Variants in PRDM5 observed in about 807,000 individuals in gnomAD.
PRDM5 encodes the protein PR domain zinc finger protein 5.
In PRDM5, 56 loss-of-function variants were observed where a neutral mutation model predicts 81.2. That is an observed-to-expected ratio of 0.69 (90% CI 0.56 to 0.86). The LOEUF (loss-of-function observed/expected upper bound fraction) is 0.86, where lower values mean the gene tolerates loss of function less well. PRDM5 is among the 40% of genes least tolerant of loss of function. The pLI is 0.00. For synonymous variants in PRDM5, 267 were observed against 256.4 expected (o/e 1.04, Z -0.39); for missense variants, 697 against 770.1 (o/e 0.91, Z 1.12).
At chr4:120,759,875 A>G (rs1317262923) in intron 13 of PRDM5, among the ~76,000 whole-genome samples, 1 of 152,230 alleles carries the variant, frequency 6.6e-6, no homozygotes, top group Admixed American at 6.5e-5. Flanking sequence ...CTAAAAACAA[A>G]TCTAAATGGA....
At chr4:120,748,060 T>C (rs1490481862) in intron 14 of PRDM5, among the ~76,000 whole-genome samples, 1 of 152,224 alleles carries the variant, frequency 6.6e-6, no homozygotes, top group Non-Finnish European at 1.5e-5. Context: ...TGAGTGACTG[T>C]TTTGGCTCAA....
At chr4:120,728,511 T>A (rs1739778458) in intron 14 of PRDM5, among the ~76,000 whole-genome samples, 1 of 152,150 alleles carries the variant, frequency 6.6e-6, no homozygotes, top group African/African-American at 2.4e-5. Context: ...ACATTTACAC[T>A]TAAGAATATA....
At position 120,818,336 on chromosome 4, in the gene PRDM5, T is replaced by G. The variant is rs1481926671; in HGVS notation, c.650+17A>C. On this transcript the variant is annotated intron_variant, in intron 5 of 15. Transcript: ENST00000264808. ...TGTTAGCTTATAATTTTAAAGATAT[T>G]TCTTTAATATACGCACTGTCTTTGC... 1 of 1,605,836 alleles carries G rather than the reference T, an allele frequency of 6.2e-7. No individual in the cohort carries two copies. The highest frequency in any genetic ancestry group is 8.5e-7 in the Non-Finnish European group (1 of 1,172,808).
At position 120,693,966 on chromosome 4, in the gene PRDM5, T is replaced by A. The variant is rs148750055; in HGVS notation, c.*1145A>T. The A allele has an allele frequency of 6.6e-6, 1 of 152,260 alleles. No individual in the cohort carries two copies. Among genetic ancestry groups the A allele is most frequent in the Admixed American group, 6.6e-5 (1 of 15,260 alleles). The allele number at this position is 152,260 out of a possible 1,614,324, so 9.4% of individuals were successfully genotyped here. A position where few individuals can be genotyped will look rare whatever the true frequency, so the allele number is the denominator to read the frequency against. On this transcript the variant is annotated 3_prime_UTR_variant, in exon 16 of 16. Transcript: ENST00000264808. ...AAGAAATTATGCTTCTTGCTTCAATTTCCCTTAAGCATCAGTGACAGTTTC... is the reference window on the plus strand; with the variant it reads ...AAGAAATTATGCTTCTTGCTTCAATATCCCTTAAGCATCAGTGACAGTTTC...
chr4:120,871,911 G>A (rs1224193834), intron 2 of PRDM5, among the ~76,000 whole-genome samples: 2 of 151,936 alleles, frequency 1.3e-5, no homozygotes, highest in African/African-American at 4.8e-5. Context: ...CCAACACTTT[G>A]GGAGGCCGAG....
At chr4:120,827,876 C>G (rs1285581405) in intron 3 of PRDM5, among the ~76,000 whole-genome samples, 1 of 152,100 alleles carries the variant, frequency 6.6e-6, no homozygotes, top group East Asian at 1.9e-4. Context: ...GCCTCAATGT[C>G]CTCATTGTAA....
At chr4:120,726,187 G>A (rs1033904486) in intron 14 of PRDM5, among the ~76,000 whole-genome samples, 1 of 152,082 alleles carries the variant, frequency 6.6e-6, no homozygotes, top group South Asian at 2.1e-4. Flanking sequence ...ATGATATTTT[G>A]TTATTTTAAG....
intron 15 of PRDM5, among the ~76,000 whole-genome samples, chr4:120,705,651 T>C (rs1736002834): frequency 6.6e-6 from 1 of 152,114 alleles, no homozygotes; most frequent in Non-Finnish European, 1.5e-5. Context: ...TTTCAGACCA[T>C]GATAAAACTG....
chr4:120,902,957 G>C (rs1765383138), intron 2 of PRDM5, among the ~76,000 whole-genome samples: 1 of 152,178 alleles, frequency 6.6e-6, no homozygotes, highest in Non-Finnish European at 1.5e-5. Flanking sequence ...GCTCAATCCT[G>C]ACTGGTAACT....
chr4:120,855,987 C>A (rs535569609), intron 2 of PRDM5, among the ~76,000 whole-genome samples: 17 of 152,210 alleles, frequency 1.1e-4, no homozygotes, highest in Admixed American at 2.6e-4. Flanking sequence ...TTCAAAGATA[C>A]GAAACAGAAG....
At chr4:120,737,423 G>A (rs1359272305) in intron 14 of PRDM5, among the ~76,000 whole-genome samples, 1 of 152,216 alleles carries the variant, frequency 6.6e-6, no homozygotes, top group African/African-American at 2.4e-5. Flanking sequence ...AGCTAAGAGA[G>A]AGCCATGCCA....
At chr4:120,876,322 T>C (rs528084977) in intron 2 of PRDM5, among the ~76,000 whole-genome samples, 1 of 152,344 alleles carries the variant, frequency 6.6e-6, no homozygotes, top group East Asian at 1.9e-4. Context: ...TTTAGGTCTT[T>C]TTTAAAGTAA....
At position 120,863,191 on chromosome 4, in the gene PRDM5, TACAC is replaced by T. The variant is rs370387683; in HGVS notation, c.178-9655_178-9652del. Among the ~76,000 whole-genome samples the T allele has an allele frequency of 2.8e-3, 196 of 70,302 alleles. 1 individual carries two copies. The highest frequency in any genetic ancestry group is 9.4e-3 in the African/African-American group (183 of 19,530). 46.1% of individuals were successfully genotyped at this position (70,302 alleles called of 152,430 possible). ...AAAAAAAAAAATATATATATATATA[TACAC>T]ACACACACACACACACACACACACA... On this transcript the variant is annotated intron_variant, in intron 2 of 15. Coordinates refer to ENST00000264808, the MANE Select transcript of PRDM5 (RefSeq NM_018699.4).
intron 8 of PRDM5, among the ~76,000 whole-genome samples, chr4:120,806,630 A>T (rs1228179781): frequency 6.6e-6 from 1 of 152,222 alleles, no homozygotes; most frequent in African/African-American, 2.4e-5. Flanking sequence ...TGGTGCTGGG[A>T]AAACTGGCTA....
At chr4:120,727,863 G>C (rs1188805788) in intron 14 of PRDM5, among the ~76,000 whole-genome samples, 1 of 151,802 alleles carries the variant, frequency 6.6e-6, no homozygotes, top group Non-Finnish European at 1.5e-5. Context: ...TTGAACCCGG[G>C]AGGTGGAGGT....
intron 2 of PRDM5, among the ~76,000 whole-genome samples, chr4:120,855,844 G>T (rs1759818602): frequency 1.3e-5 from 2 of 152,320 alleles, no homozygotes; most frequent in South Asian, 2.1e-4. Flanking sequence ...AAATGGGTTT[G>T]CCCAGGCATA....
At chr4:120,863,747 T>C (rs553125770) in intron 2 of PRDM5, among the ~76,000 whole-genome samples, 8 of 152,324 alleles carry the variant, frequency 5.3e-5, no homozygotes, top group Non-Finnish European at 8.8e-5. Flanking sequence ...AATTATTGCC[T>C]TATAAATTGG....
At chr4:120,859,278 A>C (rs907180426) in intron 2 of PRDM5, among the ~76,000 whole-genome samples, 6 of 151,184 alleles carry the variant, frequency 4.0e-5, no homozygotes, top group African/African-American at 9.7e-5. Flanking sequence ...CAGCACCATC[A>C]TGGCTCACTG....
At chr4:120,847,508 A>G (rs1299084213) in intron 3 of PRDM5, among the ~76,000 whole-genome samples, 3 of 152,150 alleles carry the variant, frequency 2.0e-5, no homozygotes, top group Admixed American at 6.5e-5. Flanking sequence ...ACAGACTTCA[A>G]TCAAGTTTTC....
Sources: allele counts gnomAD v4.1 joint callset (sites outside exome capture counted in the v4.1 genomes callset), GRCh38; gene constraint gnomAD v4.1.1; transcripts MANE v1.5; gene names NCBI Gene and HGNC (gene_info 2026-07-23, HGNC 2026-07-21).